The following TRMT11 variants were observed in gnomAD, a reference collection of about 807,000 sequenced individuals.
TRMT11 encodes the protein tRNA methyltransferase 11.
In TRMT11, 53 loss-of-function variants were observed where a neutral mutation model predicts 62.8. That is an observed-to-expected ratio of 0.84 (90% CI 0.68 to 1.06). TRMT11 has a LOEUF of 1.06. Among genes scored for constraint, TRMT11 ranks in the 50% least tolerant of loss-of-function variants. The pLI is 0.00. For synonymous variants in TRMT11, 188 were observed against 190.3 expected (o/e 0.99, Z 0.10); for missense variants, 556 against 553.4 (o/e 1.00, Z -0.05).
At chr6:126,093,745 AG>A (rs1366596359) in intron 17 of TRMT11, among the ~76,000 whole-genome samples, 2 of 150,812 alleles carry the variant, frequency 1.3e-5, no homozygotes, top group African/African-American at 4.9e-5. Flanking sequence ...TAAGTGGGAG[AG>A]TGCAGTTAAT....
intron 12 of TRMT11, among the ~76,000 whole-genome samples, chr6:126,031,497 T>C (rs1265086474): frequency 1.3e-5 from 2 of 152,144 alleles, no homozygotes; most frequent in African/African-American, 4.8e-5. Context: ...TGAGAGGTGT[T>C]GTGTGAACAT....
intron 7 of TRMT11, among the ~76,000 whole-genome samples, chr6:126,003,183 G>A (rs775024119): frequency 3.3e-5 from 5 of 152,096 alleles, no homozygotes; most frequent in Non-Finnish European, 7.4e-5. Flanking sequence ...TATCCAACCC[G>A]CAGCCCATGG....
At chr6:126,003,650 T>C (rs80240611) in intron 7 of TRMT11, among the ~76,000 whole-genome samples, 3 of 152,104 alleles carry the variant, frequency 2.0e-5, no homozygotes, top group South Asian at 2.1e-4. Context: ...CACAATTTTT[T>C]ATATTTTAAG....
chr6:126,159,283 G>T (rs1778161211), intron 21 of TRMT11, among the ~76,000 whole-genome samples: 2 of 152,044 alleles, frequency 1.3e-5, no homozygotes, highest in Admixed American at 1.3e-4. Context: ...TGGCACTCTG[G>T]GCGGAGGTCT....
At chr6:126,117,226 C>T (rs901641567) in intron 21 of TRMT11, among the ~76,000 whole-genome samples, 2 of 152,056 alleles carry the variant, frequency 1.3e-5, no homozygotes, top group African/African-American at 2.4e-5. Flanking sequence ...TTCTACACCT[C>T]CTGGTCTCCA....
At chr6:126,024,752 G>A (rs186900062) in intron 12 of TRMT11, among the ~76,000 whole-genome samples, 5 of 152,246 alleles carry the variant, frequency 3.3e-5, no homozygotes, top group East Asian at 3.9e-4. Flanking sequence ...TCTGTTGTAC[G>A]TTAGAGGATG....
At chr6:126,110,251 T>C (rs1777515803) in intron 17 of TRMT11, among the ~76,000 whole-genome samples, 1 of 152,156 alleles carries the variant, frequency 6.6e-6, no homozygotes, top group Admixed American at 6.6e-5. Flanking sequence ...ATTCTTCAAC[T>C]ATACATCACT....
chr6:126,043,975 T>C (rs942428895), downstream of TRMT11, among the ~76,000 whole-genome samples: 1 of 151,990 alleles, frequency 6.6e-6, no homozygotes, highest in Non-Finnish European at 1.5e-5. Flanking sequence ...GATGAGTAGG[T>C]TGTGAAAATT....
intron 17 of TRMT11, among the ~76,000 whole-genome samples, chr6:126,057,357 A>T (rs2128120433): frequency 6.6e-6 from 1 of 152,320 alleles, no homozygotes; most frequent in South Asian, 2.1e-4. Flanking sequence ...GTATTAGGGA[A>T]AAGTCAGTAC....
chr6:126,132,281 C>T (rs1008581022), intron 21 of TRMT11, among the ~76,000 whole-genome samples: 4 of 152,048 alleles, frequency 2.6e-5, no homozygotes, highest in African/African-American at 9.7e-5. Context: ...GGCACAGGTT[C>T]AAGGACCTGT....
intron 17 of TRMT11, among the ~76,000 whole-genome samples, chr6:126,057,180 T>C (rs1776397147): frequency 6.6e-6 from 1 of 152,058 alleles, no homozygotes; most frequent in African/African-American, 2.4e-5. Context: ...TGGGAGAGAG[T>C]TCAAGGTTGA....
chr6:126,114,091 G>T (rs1777562248), intron 18 of TRMT11, among the ~76,000 whole-genome samples: 1 of 152,052 alleles, frequency 6.6e-6, no homozygotes, highest in Non-Finnish European at 1.5e-5. Context: ...AATTCAGAGT[G>T]CATTTCATGT....
chr6:126,185,265 G>C (rs1778514303), intron 1 of TRMT11, among the ~76,000 whole-genome samples: 1 of 152,036 alleles, frequency 6.6e-6, no homozygotes, highest in African/African-American at 2.4e-5. Flanking sequence ...AGCTGTTTTG[G>C]TCAGCAAAGT....
chr6:126,111,395 T>A (rs1330671), intron 17 of TRMT11, among the ~76,000 whole-genome samples: 148,222 of 152,170 alleles, frequency 0.97, 72,204 homozygotes, highest in East Asian at 1. Context: ...AGGTGCCTGA[T>A]ATCATCTTTC....
At chr6:126,089,038 CTTAT>C (rs761656100) in intron 17 of TRMT11, among the ~76,000 whole-genome samples, 8 of 151,500 alleles carry the variant, frequency 5.3e-5, no homozygotes, top group South Asian at 2.1e-4. Flanking sequence ...ATCACCTTGT[CTTAT>C]TTTGTAATTT....
chr6:126,053,365 G>C (rs1360452506), intron 17 of TRMT11, among the ~76,000 whole-genome samples: 2 of 152,150 alleles, frequency 1.3e-5, no homozygotes, highest in African/African-American at 4.8e-5. Context: ...CCAATTCCTA[G>C]AGATAAAGGT....
chr6:126,142,990 A>G (rs1297144902), intron 21 of TRMT11, among the ~76,000 whole-genome samples: 2 of 152,172 alleles, frequency 1.3e-5, no homozygotes, highest in Non-Finnish European at 1.5e-5. Flanking sequence ...CTAAAGATAT[A>G]TAAGCCATTT....
chr6:126,110,334 G>A (rs74569130), intron 17 of TRMT11, among the ~76,000 whole-genome samples: 96 of 152,250 alleles, frequency 6.3e-4, no homozygotes, highest in Non-Finnish European at 1.1e-3. Flanking sequence ...TCTTAAGACT[G>A]AGAAATATGG....
chr6:126,093,581 G>GTATATATATATA (rs1562321267), intron 17 of TRMT11, among the ~76,000 whole-genome samples: 5 of 37,070 alleles, frequency 1.3e-4, no homozygotes, highest in Non-Finnish European at 2.2e-4. Context: ...AACAGGATAT[G>GTATATATATATA]TATGTATATA....
Sources: allele counts gnomAD v4.1 joint callset (sites outside exome capture counted in the v4.1 genomes callset), GRCh38; gene constraint gnomAD v4.1.1; transcripts MANE v1.5; gene names NCBI Gene and HGNC (gene_info 2026-07-23, HGNC 2026-07-21).